Variants in NOL4 observed in about 807,000 individuals in gnomAD.
The protein encoded by NOL4 is nucleolar protein 4.
NOL4 carries 17 observed loss-of-function variants against 75.9 expected under a neutral mutation model. That is an observed-to-expected ratio of 0.22 (90% CI 0.15 to 0.34). The LOEUF is 0.34. Among genes scored for constraint, NOL4 ranks in the 10% least tolerant of loss-of-function variants. The pLI is 1.00. For synonymous variants in NOL4, 292 were observed against 289.9 expected (o/e 1.01, Z -0.07); for missense variants, 614 against 793.5 (o/e 0.77, Z 2.72).
intron 5 of NOL4, among the ~76,000 whole-genome samples, chr18:34,077,923 C>G (rs761958392): frequency 3.9e-5 from 6 of 152,042 alleles, no homozygotes; most frequent in Non-Finnish European, 8.8e-5. Context: ...GAAAACAAAG[C>G]AAAACAATTA....
intron 1 of NOL4, among the ~76,000 whole-genome samples, chr18:34,194,253 C>T (rs1018229431): frequency 6.6e-6 from 1 of 151,902 alleles, no homozygotes; most frequent in African/African-American, 2.4e-5. Flanking sequence ...TGAAGCAATG[C>T]GTATGTTAAT....
intron 5 of NOL4, among the ~76,000 whole-genome samples, chr18:34,072,661 G>A (rs149937150): frequency 7.2e-5 from 11 of 152,134 alleles, no homozygotes; most frequent in East Asian, 1.9e-4. Flanking sequence ...TTTCATGTGC[G>A]CACGAACATT....
chr18:33,990,357 G>T (rs576185358), intron 6 of NOL4, among the ~76,000 whole-genome samples: 1 of 152,040 alleles, frequency 6.6e-6, no homozygotes, highest in African/African-American at 2.4e-5. Context: ...CTGACTCCCA[G>T]ATCTTCCAGC....
chr18:33,869,555 G>C lies in NOL4; in HGVS notation c.1723+13689C>G, dbSNP rs78776208. On this transcript the variant is annotated intron_variant, in intron 10 of 10. Transcript: ENST00000261592. Reference sequence around the variant, plus strand: ...CTAGCAAATAGTAGACTATAATTAAGTTGAATCACTAAACTAAACCAAAGG... The same window carrying C: ...CTAGCAAATAGTAGACTATAATTAACTTGAATCACTAAACTAAACCAAAGG... Among the ~76,000 whole-genome samples, 300 of 152,088 alleles carry C rather than the reference G, an allele frequency of 2.0e-3. 4 individuals are homozygous for C. In the East Asian group the frequency reaches 0.026, roughly 13 times the overall value.
chr18:34,057,068 C>T (rs571606010), intron 5 of NOL4, among the ~76,000 whole-genome samples: 79 of 152,300 alleles, frequency 5.2e-4, no homozygotes, highest in African/African-American at 1.8e-3. Context: ...TCCTGGAGTG[C>T]TTAATGAACC....
chr18:33,909,260 C>T (rs1047369441), intron 9 of NOL4, among the ~76,000 whole-genome samples: 1 of 152,152 alleles, frequency 6.6e-6, no homozygotes, highest in Admixed American at 6.5e-5. Flanking sequence ...ATTTTCCTTC[C>T]ATTTTTATTC....
At chr18:34,116,293 TA>T (rs137948671) in intron 2 of NOL4, among the ~76,000 whole-genome samples, 2 of 151,052 alleles carry the variant, frequency 1.3e-5, no homozygotes, top group East Asian at 1.9e-4. Context: ...CTGTGGGTTA[TA>T]AAAAAAAACA....
chr18:34,160,292 C>T (rs2031262124), intron 1 of NOL4, among the ~76,000 whole-genome samples: 1 of 152,050 alleles, frequency 6.6e-6, no homozygotes, highest in African/African-American at 2.4e-5. Flanking sequence ...ATGGACCTAT[C>T]CTCCTCTTGA....
intron 1 of NOL4, among the ~76,000 whole-genome samples, chr18:34,185,059 C>T (rs537286085): frequency 6.6e-6 from 1 of 152,242 alleles, no homozygotes; most frequent in Non-Finnish European, 1.5e-5. Flanking sequence ...TTAAGGCTTT[C>T]AGTTACTTCC....
intron 1 of NOL4, among the ~76,000 whole-genome samples, chr18:34,156,343 A>G (rs1036176819): frequency 1.3e-5 from 2 of 152,180 alleles, no homozygotes; most frequent in African/African-American, 2.4e-5. Context: ...TGAAACAGAA[A>G]GGTTAAACAA....
intron 5 of NOL4, among the ~76,000 whole-genome samples, chr18:34,052,914 T>C (rs576765519): frequency 1.3e-5 from 2 of 152,094 alleles, no homozygotes; most frequent in South Asian, 2.1e-4. Flanking sequence ...TTTTGAAATA[T>C]AGATGATTAA....
At chr18:33,857,014 A>AT (rs572973251) in intron 10 of NOL4, among the ~76,000 whole-genome samples, 1 of 151,922 alleles carries the variant, frequency 6.6e-6, no homozygotes, top group African/African-American at 2.4e-5. Flanking sequence ...CTTTTTATAA[A>AT]TTTTTTTCAA....
At chr18:33,887,087 TTAGATA>T (rs1395927071) in intron 9 of NOL4, among the ~76,000 whole-genome samples, 6 of 140,342 alleles carry the variant, frequency 4.3e-5, no homozygotes, top group South Asian at 4.3e-4. Context: ...TCTATATATA[TTAGATA>T]TAGATATATA....
intron 1 of NOL4, among the ~76,000 whole-genome samples, chr18:34,170,738 G>A (rs1355548547): frequency 6.6e-6 from 1 of 152,042 alleles, no homozygotes; most frequent in Admixed American, 6.6e-5. Context: ...TTCTCATTAG[G>A]AAATTCTAAT....
intron 9 of NOL4, among the ~76,000 whole-genome samples, chr18:33,889,403 T>C (rs1419404736): frequency 6.6e-6 from 1 of 151,976 alleles, no homozygotes; most frequent in African/African-American, 2.4e-5. Context: ...AAAAAAGTCC[T>C]GGACCAGACA....
chr18:33,956,907 C>G (rs1382778753), intron 8 of NOL4, among the ~76,000 whole-genome samples: 1 of 152,056 alleles, frequency 6.6e-6, no homozygotes, highest in East Asian at 1.9e-4. Flanking sequence ...CCATCTGTTT[C>G]CTTTTGATTT....
chr18:34,021,598 ACT>A (rs1263804145), intron 5 of NOL4, among the ~76,000 whole-genome samples: 3 of 152,146 alleles, frequency 2.0e-5, no homozygotes, highest in African/African-American at 4.8e-5. Flanking sequence ...GACTATTCTG[ACT>A]CTGATGAGGA....
At chr18:34,021,940 C>T (rs1333946522) in intron 5 of NOL4, among the ~76,000 whole-genome samples, 1 of 151,762 alleles carries the variant, frequency 6.6e-6, no homozygotes, top group Non-Finnish European at 1.5e-5. Context: ...CCCGTCTCTA[C>T]TTAAAATACA....
chr18:33,937,468 C>A (rs1014021925), intron 9 of NOL4, among the ~76,000 whole-genome samples: 6 of 152,178 alleles, frequency 3.9e-5, no homozygotes, highest in Admixed American at 3.3e-4. Flanking sequence ...AACAGAAAGC[C>A]AATTTTGAGT....
Sources: gnomAD v4.1 joint callset for allele counts (sites outside exome capture counted in the v4.1 genomes callset) on GRCh38, gnomAD v4.1.1 for gene constraint, MANE v1.5 for transcripts, NCBI Gene and HGNC (gene_info 2026-07-23, HGNC 2026-07-21) for gene names.